The following COL11A1 variants were observed in gnomAD, a reference collection of about 807,000 sequenced individuals.
COL11A1 encodes collagen type XI alpha 1 chain.
COL11A1 carries 74 observed loss-of-function variants against 265.2 expected under a neutral mutation model. That is an observed-to-expected ratio of 0.28 (90% CI 0.23 to 0.34). The LOEUF (loss-of-function observed/expected upper bound fraction) is 0.34. COL11A1 is among the 10% of genes least tolerant of loss of function. The pLI is 1.00. For synonymous variants in COL11A1, 816 were observed against 727.6 expected, an observed-to-expected ratio of 1.12 and a Z score of -1.96; for missense variants, 2,165 against 2,263.6, an observed-to-expected ratio of 0.96 and a Z score of 0.88.
At chr1:103,086,934 G>A (rs879719444) in intron 1 of COL11A1, among the ~76,000 whole-genome samples, 1 of 151,870 alleles carries the variant, frequency 6.6e-6, no homozygotes, top group African/African-American at 2.4e-5. Context: ...AATTCTGCCT[G>A]TTATTTGATC....
chr1:103,101,596 T>A (rs769236932), intron 1 of COL11A1, among the ~76,000 whole-genome samples: 4 of 151,860 alleles, frequency 2.6e-5, no homozygotes, highest in African/African-American at 4.8e-5. Context: ...CGGATGTCAG[T>A]TTACCAGTCA....
intron 26 of COL11A1, among the ~76,000 whole-genome samples, chr1:102,996,559 T>C (rs1040092524): frequency 2.4e-4 from 37 of 151,830 alleles, no homozygotes; most frequent in African/African-American, 7.7e-4. Flanking sequence ...TATAATTTCC[T>C]CAGTAATGCT....
intron 44 of COL11A1, among the ~76,000 whole-genome samples, chr1:102,936,763 T>C (rs377609311): frequency 6.6e-6 from 1 of 152,176 alleles, no homozygotes; most frequent in African/African-American, 2.4e-5. Flanking sequence ...TGGAATATAA[T>C]GTAATAGCAC....
At position 103,061,876 on chromosome 1, in the gene COL11A1, A is replaced by C. The variant is rs367939832; in HGVS notation, c.651+12742T>G. On this transcript the variant is annotated intron_variant, in intron 4 of 66. Coordinates refer to ENST00000370096, the MANE Select transcript of COL11A1 (RefSeq NM_001854.4). ...GTAATAAAACAGACAGCAGAAAGTC[A>C]CCATAGAATTAGCATCCAAACCAAA... 9.9e-5 allele frequency among the ~76,000 whole-genome samples: 15 copies of C among 152,122 alleles called. No individual in the cohort carries two copies. In the East Asian group the frequency reaches 1.5e-3, roughly 16 times the overall value.
In COL11A1 at chr1:102,939,238, G is replaced by A. The variant is rs1240501098; in HGVS notation, c.3385-150C>T. ...AAATGGAAAATCTTGGGTTCCCACT[G>A]CTTCTAGCTTTCTAATATTGACTAA... On this transcript the variant is annotated intron_variant, in intron 43 of 66. Coordinates refer to ENST00000370096, the MANE Select transcript of COL11A1 (RefSeq NM_001854.4). The A allele has an allele frequency of 7.0e-6, 5 of 711,976 alleles. No homozygotes were observed. In the Admixed American group the frequency reaches 8.6e-5, roughly 12 times the overall value. The allele number at this position is 711,976 out of a possible 1,614,324, so 44.1% of individuals were successfully genotyped here. A position where few individuals can be genotyped will look rare whatever the true frequency, so the allele number is the denominator to read the frequency against.
In COL11A1 at chr1:103,014,560, G is replaced by T. The variant is rs1432496942; in HGVS notation, c.1523C>A (p.Thr508Asn). 1 of 1,613,608 alleles carries T rather than the reference G, an allele frequency of 6.2e-7. No individual in the cohort carries two copies. Among genetic ancestry groups the T allele is most frequent in the South Asian group, 1.1e-5 (1 of 91,080 alleles). ...AGCCTGAGCTTCCTGAGCAGAGATGGTTGGTCCTTTGGAACCATCACCACC... is the reference window on the plus strand; with the variant it reads ...AGCCTGAGCTTCCTGAGCAGAGATGTTTGGTCCTTTGGAACCATCACCACC... The part of the protein sequence containing the change: ...RYGGDGSKGP[T>N]ISAQEAQAQA... Residue 508 changes from threonine to asparagine, a missense_variant, in exon 13 of 67, where the codon ACC becomes AAC. By Grantham distance (65) the Thr-to-Asn change is moderately conservative (BLOSUM62 0). Transcript: ENST00000370096.
chr1:102,935,075 A>G lies in COL11A1; in HGVS notation c.3477T>C (p.Gly1159=). ...GAATACTCACAGCAATTCCAGGGGC[A>G]CCAACTGGTCCTTGAAGACCTGGGG... ...PGPPGLQGPV[G]APGIAGGDGE... The change falls in exon 45 of 67, where the codon GGT becomes GGC. Residue 1159 remains glycine, a synonymous_variant. Transcript: ENST00000370096. The G allele has an allele frequency of 3.1e-6, 5 of 1,614,106 alleles. No homozygotes were observed. Among genetic ancestry groups the G allele is most frequent in the Non-Finnish European group, 4.2e-6 (5 of 1,179,976 alleles).
At chr1:102,960,770 G>A (rs760075276) in intron 41 of COL11A1, among the ~76,000 whole-genome samples, 1 of 152,028 alleles carries the variant, frequency 6.6e-6, no homozygotes, top group Non-Finnish European at 1.5e-5. Context: ...ATAGCAATTG[G>A]GGTTGAACTA....
At chr1:103,025,010 T>G (rs1425656521) in intron 7 of COL11A1, among the ~76,000 whole-genome samples, 1 of 152,328 alleles carries the variant, frequency 6.6e-6, no homozygotes, top group East Asian at 1.9e-4. Context: ...ATTAGTTTAA[T>G]AAGAATTAAT....
At chr1:102,933,403 C>CA (rs1259618750) in intron 46 of COL11A1, among the ~76,000 whole-genome samples, 7 of 148,810 alleles carry the variant, frequency 4.7e-5, no homozygotes, top group African/African-American at 1.7e-4. Context: ...TTAGGCTGCT[C>CA]GGGGGTCAGG....
intron 25 of COL11A1, 134 bp downstream of exon 25, chr1:102,998,176 G>C: frequency 1.3e-6 from 1 of 759,036 alleles, no homozygotes; most frequent in South Asian, 1.7e-5. Flanking sequence ...AGGTATTTTA[G>C]AGAGATCAAT....
intron 35 of COL11A1, among the ~76,000 whole-genome samples, chr1:102,977,096 C>G (rs142314869): frequency 8.5e-5 from 13 of 152,208 alleles, no homozygotes; most frequent in African/African-American, 3.1e-4. Flanking sequence ...ATTTCATTTT[C>G]TAATCCAATG....
intron 41 of COL11A1, among the ~76,000 whole-genome samples, chr1:102,956,924 T>G (rs975831581): frequency 6.6e-6 from 1 of 151,750 alleles, no homozygotes; most frequent in Non-Finnish European, 1.5e-5. Flanking sequence ...ATTTTAAATA[T>G]TCTATAAAAA....
At chr1:102,905,264 C>A (rs988225772) in intron 54 of COL11A1, among the ~76,000 whole-genome samples, 2 of 148,994 alleles carry the variant, frequency 1.3e-5, no homozygotes, top group African/African-American at 2.5e-5. Context: ...AGGAGATATA[C>A]CTAATGCTAA....
At chr1:102,936,299 T>C (rs1018093349) in intron 44 of COL11A1, among the ~76,000 whole-genome samples, 1 of 151,766 alleles carries the variant, frequency 6.6e-6, no homozygotes, top group African/African-American at 2.4e-5. Flanking sequence ...GCTGAACTTT[T>C]ACATGGAACA....
chr1:102,916,116 T>C (rs1655308919), intron 49 of COL11A1, among the ~76,000 whole-genome samples: 1 of 152,192 alleles, frequency 6.6e-6, no homozygotes, highest in African/African-American at 2.4e-5. Context: ...GATGACTTGC[T>C]GGTACATATG....
intron 28 of COL11A1, among the ~76,000 whole-genome samples, chr1:102,992,756 T>C (rs115091572): frequency 0.011 from 1,600 of 152,204 alleles, 25 homozygotes; most frequent in African/African-American, 0.037. Context: ...AAAATACCTT[T>C]AAATTTTTTT....
chr1:102,881,821 G>C, intron 64 of COL11A1, 56 bp from the exon 65 acceptor site: 1 of 1,257,144 alleles, frequency 8.0e-7, no homozygotes, highest in Non-Finnish European at 1.2e-6. Flanking sequence ...AATATAAACA[G>C]TATTTTTATA....
At chr1:103,073,077 T>G (rs1671709571) in intron 4 of COL11A1, among the ~76,000 whole-genome samples, 1 of 151,808 alleles carries the variant, frequency 6.6e-6, no homozygotes, top group Non-Finnish European at 1.5e-5. Context: ...AATAAACTTA[T>G]TTTTCACTAC....
Sources: allele counts gnomAD v4.1 joint callset (sites outside exome capture counted in the v4.1 genomes callset), GRCh38; gene constraint gnomAD v4.1.1; transcripts MANE v1.5; gene names NCBI Gene and HGNC (gene_info 2026-07-23, HGNC 2026-07-21).